Variants in RALGPS1 observed in about 807,000 individuals in gnomAD.
RALGPS1 encodes the protein Ral GEF with PH domain and SH3 binding motif 1.
Under a neutral mutation model 78.8 loss-of-function variants are expected in RALGPS1, and 19 were observed. The ratio of observed to expected loss-of-function variants is 0.24; its 90% CI spans 0.17 to 0.35. The LOEUF (loss-of-function observed/expected upper bound fraction) is 0.35. Ranked by LOEUF, RALGPS1 falls within the 10% of genes least tolerant of loss-of-function variation. The pLI is 1.00. For synonymous variants in RALGPS1, 228 were observed against 256.3 expected, an observed-to-expected ratio of 0.89 and a Z score of 1.06; for missense variants, 454 against 688.3, an observed-to-expected ratio of 0.66 and a Z score of 3.81.
At chr9:127,180,046 A>G (rs2060119218) in intron 11 of RALGPS1, among the ~76,000 whole-genome samples, 1 of 152,188 alleles carries the variant, frequency 6.6e-6, no homozygotes, top group Non-Finnish European at 1.5e-5. Context: ...AAACCTTCTC[A>G]GTTTCTGTGT....
rs1168264509 is a variant in RALGPS1, at chr9:127,052,827, A to G, written c.391-20A>G. ...GTTGTTTATAGCAGCAAAATAATCT[A>G]TTCCATATCTTTTTTTCAGAAACTT... On this transcript the variant is annotated intron_variant, in intron 6 of 18. Transcript: ENST00000259351. The G allele has an allele frequency of 2.0e-6, 3 of 1,492,350 alleles. No homozygotes were observed. The highest frequency in any genetic ancestry group is 1.7e-5 in the Admixed American group (1 of 59,614). 92.4% of individuals were successfully genotyped at this position (1,492,350 alleles called of 1,614,324 possible).
chr9:127,144,047 A>C (rs757721627), intron 8 of RALGPS1, among the ~76,000 whole-genome samples: 2 of 152,154 alleles, frequency 1.3e-5, no homozygotes, highest in African/African-American at 2.4e-5. Context: ...CTCTGCTCTG[A>C]AGTCATCTCC....
chr9:127,167,638 G>A (rs80341573), intron 9 of RALGPS1, among the ~76,000 whole-genome samples: 6,593 of 152,288 alleles, frequency 0.043, 462 homozygotes, highest in African/African-American at 0.15. Context: ...TTGTAAAACA[G>A]GTATCATCCT....
Position 127,214,861 on chromosome 9 carries a change from T to C in RALGPS1, c.1644+19T>C. 1 of 1,613,250 alleles carries C rather than the reference T, an allele frequency of 6.2e-7. No homozygotes were observed. Among genetic ancestry groups the C allele is most frequent in the Non-Finnish European group, 8.5e-7 (1 of 1,179,694 alleles). Reference sequence around the variant, plus strand: ...GCCTCAGGTAAAGTCATCAAAATCCTGCTTGTCACCTGAAATATCCTCTCC... The same window carrying C: ...GCCTCAGGTAAAGTCATCAAAATCCCGCTTGTCACCTGAAATATCCTCTCC... On this transcript the variant is annotated intron_variant, in intron 18 of 18. Transcript: ENST00000259351.
At chr9:127,135,255 A>G (rs1052155586) in intron 8 of RALGPS1, among the ~76,000 whole-genome samples, 1 of 152,238 alleles carries the variant, frequency 6.6e-6, no homozygotes, top group Non-Finnish European at 1.5e-5. Flanking sequence ...TCATGGGGTC[A>G]CAAGGCCTTG....
In RALGPS1 at chr9:126,951,151, G is replaced by A. The variant is rs1241895712; in HGVS notation, c.-65-11074G>A. ...TGAATCTCTGAATAGACCAATAACA[G>A]GAGCTGAAATTGTGGCAATAATCAA... On this transcript the variant is annotated intron_variant, in intron 1 of 18. Transcript: ENST00000259351. Among the ~76,000 whole-genome samples, 5 of 151,824 alleles carry A rather than the reference G, an allele frequency of 3.3e-5. No homozygotes were observed. In the East Asian group the frequency reaches 9.7e-4, roughly 29 times the overall value.
intron 1 of RALGPS1, among the ~76,000 whole-genome samples, chr9:126,915,297 G>A (rs1454507604): frequency 2.1e-5 from 3 of 140,636 alleles, no homozygotes; most frequent in African/African-American, 7.8e-5. Flanking sequence ...GGGGGCAGTT[G>A]GGCGGGGCGC....
At chr9:127,083,236 C>T (rs2136187825) in intron 8 of RALGPS1, among the ~76,000 whole-genome samples, 1 of 152,364 alleles carries the variant, frequency 6.6e-6, no homozygotes, top group South Asian at 2.1e-4. Context: ...CAGCAGTGTT[C>T]CTTCCACCTA....
chr9:127,108,122 A>C, intron 8 of RALGPS1: 4 of 1,613,748 alleles, frequency 2.5e-6, no homozygotes, highest in Non-Finnish European at 3.4e-6. Flanking sequence ...ACCCTCTGGC[A>C]GTGCTCCTCA....
chr9:127,083,857 C>A (rs2051412788), intron 8 of RALGPS1, among the ~76,000 whole-genome samples: 1 of 152,180 alleles, frequency 6.6e-6, no homozygotes, highest in African/African-American at 2.4e-5. Context: ...ACTCCTAAAG[C>A]TGACCAGCTG....
intron 11 of RALGPS1, among the ~76,000 whole-genome samples, chr9:127,176,020 G>A (rs1008279962): frequency 3.9e-5 from 6 of 152,224 alleles, no homozygotes; most frequent in Non-Finnish European, 7.4e-5. Flanking sequence ...GGGGGACTCC[G>A]GGCTGCTTGC....
chr9:127,104,950 A>G (rs1316628733), intron 8 of RALGPS1, among the ~76,000 whole-genome samples: 1 of 152,212 alleles, frequency 6.6e-6, no homozygotes, highest in Non-Finnish European at 1.5e-5. Flanking sequence ...AACAGACCTG[A>G]TAAGAATGTT....
intron 1 of RALGPS1, among the ~76,000 whole-genome samples, chr9:126,925,265 G>T (rs1461289595): frequency 2.6e-5 from 4 of 151,874 alleles, no homozygotes; most frequent in Non-Finnish European, 4.4e-5. Context: ...TAATTACAGG[G>T]GCTGGATGTG....
chr9:127,170,934 A>G (rs1588306160), intron 10 of RALGPS1, among the ~76,000 whole-genome samples: 1 of 152,336 alleles, frequency 6.6e-6, no homozygotes, highest in East Asian at 1.9e-4. Context: ...GGGGCAAGAG[A>G]TGGGCAGAGC....
intron 4 of RALGPS1, among the ~76,000 whole-genome samples, chr9:126,983,555 G>A (rs2132931530): frequency 6.6e-6 from 1 of 152,042 alleles, no homozygotes; most frequent in South Asian, 2.1e-4. Flanking sequence ...GATCAAATTG[G>A]GGGAATTTCA....
rs369669620 is a variant in RALGPS1, at chr9:127,196,644, G to C, written c.1195+13G>C. ...GGACTCTCCCTAGGTAAGCGTCTCC[G>C]GCCTGCACATGATAGGCTGGTGGGC... On this transcript the variant is annotated intron_variant, in intron 13 of 18. Coordinates refer to ENST00000259351, the MANE Select transcript of RALGPS1 (RefSeq NM_014636.3). 2 of 1,576,178 alleles carry C rather than the reference G, an allele frequency of 1.3e-6. No homozygotes were observed.
intron 14 of RALGPS1, among the ~76,000 whole-genome samples, chr9:127,204,986 C>T (rs570965272): frequency 1.3e-5 from 2 of 152,330 alleles, no homozygotes; most frequent in Admixed American, 1.3e-4. Context: ...GTGATAGGTC[C>T]CCTTGGCTGC....
chr9:127,055,399 G>A (rs1477450108), intron 7 of RALGPS1, among the ~76,000 whole-genome samples: 1 of 152,158 alleles, frequency 6.6e-6, no homozygotes, highest in Non-Finnish European at 1.5e-5. Flanking sequence ...TAAGTTTTCT[G>A]TAGAGATGGT....
intron 2 of RALGPS1, among the ~76,000 whole-genome samples, chr9:126,962,622 G>T (rs192991983): frequency 6.6e-6 from 1 of 152,342 alleles, no homozygotes; most frequent in Admixed American, 6.5e-5. Context: ...GGCAAGAAGG[G>T]ATCAGACCTT....
Sources: allele counts gnomAD v4.1 joint callset (sites outside exome capture counted in the v4.1 genomes callset), GRCh38; gene constraint gnomAD v4.1.1; transcripts MANE v1.5; gene names NCBI Gene and HGNC (gene_info 2026-07-23, HGNC 2026-07-21).